The following ATP11A variants were observed in gnomAD, a reference collection of about 807,000 sequenced individuals.
The protein encoded by ATP11A is phospholipid-transporting ATPase IH.
In ATP11A, 81 loss-of-function variants were observed where a neutral mutation model predicts 154.4. That is an observed-to-expected ratio of 0.52 (90% CI 0.44 to 0.63). The LOEUF (loss-of-function observed/expected upper bound fraction) is 0.63, where lower values mean the gene tolerates loss of function less well. Among genes scored for constraint, ATP11A ranks in the 30% least tolerant of loss-of-function variants. The pLI is 0.00. For synonymous variants in ATP11A, 623 were observed against 585.9 expected (o/e 1.06, Z -0.91); for missense variants, 1,316 against 1,474.3 (o/e 0.89, Z 1.76).
At chr13:112,700,525 G>A (rs1594327144) in intron 1 of ATP11A, among the ~76,000 whole-genome samples, 1 of 152,254 alleles carries the variant, frequency 6.6e-6, no homozygotes, top group South Asian at 2.1e-4. Flanking sequence ...GGCACTGGGT[G>A]CTGAGGGTGG....
Position 112,858,299 on chromosome 13 carries a change from G to A in ATP11A, c.2667+9G>A, listed in dbSNP as rs774141262. On this transcript the variant is annotated intron_variant, in intron 22 of 29. Coordinates refer to ENST00000375645, the MANE Select transcript of ATP11A (RefSeq NM_015205.3). Reference sequence around the variant, plus strand: ...AGTACTTCTTCTATAAGGTAGGAGGGTCGCCGCTCCCCCTCACGGTGTTAG... The same window carrying A: ...AGTACTTCTTCTATAAGGTAGGAGGATCGCCGCTCCCCCTCACGGTGTTAG... 1.2e-6 allele frequency: 2 copies of A among 1,606,404 alleles called. No homozygotes were observed. Among genetic ancestry groups the A allele is most frequent in the Non-Finnish European group, 1.7e-6 (2 of 1,174,962 alleles).
rs768063982 is a variant in ATP11A at position 112,851,233 on chromosome 13, T to C, written c.1991+15T>C. The C allele has an allele frequency of 6.2e-7, 1 of 1,608,376 alleles. No individual in the cohort carries two copies. The highest frequency in any genetic ancestry group is 8.5e-7 in the Non-Finnish European group (1 of 1,177,050). ...GTTGAGGACCGGTAAAGTAAACGCA[T>C]GCATCCCGTCCTGAGAGACAAACTG... On this transcript the variant is annotated intron_variant, in intron 18 of 29. Transcript: ENST00000375645.
chr13:112,770,964 A>G (rs926598278), intron 1 of ATP11A, among the ~76,000 whole-genome samples: 6 of 152,186 alleles, frequency 3.9e-5, no homozygotes, highest in East Asian at 1.9e-4. Context: ...CCCTGTAAAC[A>G]TTGATCCAGT....
chr13:112,837,980 C>T (rs2079286470), intron 16 of ATP11A, among the ~76,000 whole-genome samples: 1 of 152,076 alleles, frequency 6.6e-6, no homozygotes, highest in East Asian at 1.9e-4. Context: ...CACAGTCCCA[C>T]TGTGTCACAC....
intron 18 of ATP11A, among the ~76,000 whole-genome samples, chr13:112,852,322 C>A (rs907731587): frequency 3.3e-5 from 5 of 152,222 alleles, no homozygotes; most frequent in African/African-American, 1.2e-4. Flanking sequence ...TTATCACTAA[C>A]CCTGCATTTT....
chr13:112,855,783 A>G, intron 19 of ATP11A, 128 bp from the exon 20 acceptor site: 1 of 834,258 alleles, frequency 1.2e-6, no homozygotes, highest in Non-Finnish European at 1.9e-6. Flanking sequence ...TGTATTGGTA[A>G]AACAAGAAAC....
chr13:112,755,314 T>A (rs1158736338), intron 1 of ATP11A, among the ~76,000 whole-genome samples: 1 of 152,052 alleles, frequency 6.6e-6, no homozygotes, highest in Non-Finnish European at 1.5e-5. Context: ...CATTGCACAG[T>A]CCCACCCTCT....
intron 1 of ATP11A, among the ~76,000 whole-genome samples, chr13:112,713,804 C>G (rs551880201): frequency 6.6e-6 from 1 of 152,140 alleles, no homozygotes; most frequent in Non-Finnish European, 1.5e-5. Flanking sequence ...GGAAAAAGGC[C>G]GAGGATGCTG....
At chr13:112,720,072 G>C (rs529141379) in intron 1 of ATP11A, among the ~76,000 whole-genome samples, 1 of 152,274 alleles carries the variant, frequency 6.6e-6, no homozygotes, top group East Asian at 1.9e-4. Context: ...TCTGTTAATG[G>C]AAAGACCAAA....
At chr13:112,820,027 G>A in intron 8 of ATP11A, 77 bp downstream of exon 8, 1 of 1,398,156 alleles carries the variant, frequency 7.2e-7, no homozygotes, top group Non-Finnish European at 9.6e-7. Context: ...ACGGACAAGG[G>A]TTTCCACGGC....
At position 112,824,202 on chromosome 13, in the gene ATP11A, G is replaced by T. The variant is rs148984901; in HGVS notation, c.791-142G>T. ...CTAAGGAATCAAGTGCTAGTGTTAT[G>T]TGGCTATGGACACTAGCTTATGAAA... On this transcript the variant is annotated intron_variant, in intron 9 of 29. Transcript: ENST00000375645. 2.5e-3 allele frequency: 1,648 copies of T among 648,302 alleles called. 23 individuals are homozygous for T. Among genetic ancestry groups the T allele is most frequent in the African/African-American group, 0.025 (1,391 of 55,564 alleles). 40.2% of individuals were successfully genotyped at this position (648,302 alleles called of 1,614,324 possible). A position where few individuals can be genotyped will look rare whatever the true frequency, so the allele number is the denominator to read the frequency against.
intron 29 of ATP11A, chr13:112,881,338 A>C: frequency 9.9e-7 from 1 of 1,010,916 alleles, no homozygotes; most frequent in Non-Finnish European, 1.2e-6. Flanking sequence ...TGTCAAGGGG[A>C]TGCAAGCTGG....
chr13:112,800,423 C>T (rs190050694), intron 2 of ATP11A, among the ~76,000 whole-genome samples: 2 of 152,192 alleles, frequency 1.3e-5, no homozygotes, highest in African/African-American at 2.4e-5. Context: ...TCTTGAAAAA[C>T]GCTATCTACC....
intron 1 of ATP11A, among the ~76,000 whole-genome samples, chr13:112,716,111 C>T (rs969677833): frequency 1.3e-5 from 2 of 151,962 alleles, no homozygotes; most frequent in African/African-American, 4.8e-5. Flanking sequence ...GGTGGCTGCT[C>T]CGTCTTCTGA....
chr13:112,730,110 GGGAACCCT>G (rs1890332783), intron 1 of ATP11A, among the ~76,000 whole-genome samples: 1 of 152,194 alleles, frequency 6.6e-6, no homozygotes, highest in East Asian at 1.9e-4. Flanking sequence ...AAGAGCCCGT[GGGAACCCT>G]TCGCAGCGGC....
At chr13:112,877,725 C>G (rs1360298889) in intron 28 of ATP11A, among the ~76,000 whole-genome samples, 1 of 152,202 alleles carries the variant, frequency 6.6e-6, no homozygotes, top group Non-Finnish European at 1.5e-5. Context: ...GAGGGCCTCT[C>G]CCCGCAGGAG....
At chr13:112,878,180 C>T in intron 28 of ATP11A, 37 bp from the exon 29 acceptor site, 5 of 1,587,440 alleles carry the variant, frequency 3.1e-6, no homozygotes, top group African/African-American at 1.3e-5. Context: ...CTTGTTCACA[C>T]ACCCCTGTGT....
In ATP11A at chr13:112,831,630, T is replaced by C. The variant is rs575064811; in HGVS notation, c.1395+82T>C. The C allele has an allele frequency of 3.4e-6, 5 of 1,491,732 alleles. No homozygotes were observed. The African/African-American group carries it at 4.1e-5, about 12-fold the overall frequency. The allele number at this position is 1,491,732 out of a possible 1,614,324, so 92.4% of individuals were successfully genotyped here. A position where few individuals can be genotyped will look rare whatever the true frequency, so the allele number is the denominator to read the frequency against. ...CTGAGTCCACCCCTTTTCACTCGAGTGTCCAGGAAAATCCAGGCCCTCTCT... is the reference window on the plus strand; with the variant it reads ...CTGAGTCCACCCCTTTTCACTCGAGCGTCCAGGAAAATCCAGGCCCTCTCT... On this transcript the variant is annotated intron_variant, in intron 13 of 29. Transcript: ENST00000375645.
chr13:112,811,151 T>G (rs1402390563), intron 5 of ATP11A, among the ~76,000 whole-genome samples: 1 of 106,066 alleles, frequency 9.4e-6, no homozygotes, highest in Non-Finnish European at 1.9e-5. Context: ...ATGTACCCAC[T>G]GCCCCTTCCA....
Sources: gnomAD v4.1 joint callset for allele counts (sites outside exome capture counted in the v4.1 genomes callset) on GRCh38, gnomAD v4.1.1 for gene constraint, MANE v1.5 for transcripts, NCBI Gene and HGNC (gene_info 2026-07-23, HGNC 2026-07-21) for gene names.